LONRF1: variants seen among roughly 807,000 people sequenced by gnomAD.
LONRF1 encodes the protein LON peptidase N-terminal domain and ring finger 1.
A neutral mutation model predicts 85.8 loss-of-function variants in LONRF1; 37 were observed. That is an observed-to-expected ratio of 0.43 (90% confidence interval 0.33 to 0.57). LONRF1 has a LOEUF of 0.57. LONRF1 is among the 20% of genes least tolerant of loss of function. LONRF1 has a pLI of 0.04. For missense variants in LONRF1, 1,036 were observed against 978.0 expected (o/e 1.06, Z -0.79); for synonymous variants, 517 against 390.1 (o/e 1.33, Z -3.83).
intron 1 of LONRF1, 130 bp downstream of exon 1, chr8:12,754,570 A>C: frequency 3.8e-6 from 4 of 1,060,076 alleles, no homozygotes; most frequent in East Asian, 3.7e-5. Context: ...CCGAGACCCG[A>C]CACGCCAGCG....
rs1363802858 is a variant in LONRF1 at position 12,737,125 on chromosome 8, C to G, written c.1129G>C (p.Glu377Gln). ...CCTTTGACAGGCTCTGAAGTGACCT[C>G]TGGTATTTCTTCACTCTACAAAAAT... ...PSPKQSEEIP[E>Q]VTSEPVKGSL... Residue 377 changes from glutamate (E) to glutamine (Q), a missense_variant, in exon 5 of 12, where the codon GAG (glutamate) becomes CAG (glutamine). Glu to Gln is a conservative substitution (Grantham distance 29, BLOSUM62 2). Coordinates refer to ENST00000398246, the MANE Select transcript of LONRF1 (RefSeq NM_152271.5). 1 of 1,611,820 alleles carries G rather than the reference C, an allele frequency of 6.2e-7. No homozygotes were observed. The highest frequency in any genetic ancestry group is 2.2e-5 in the East Asian group (1 of 44,848).
At chr8:12,741,689 A>G (rs1798939848) in intron 2 of LONRF1, among the ~76,000 whole-genome samples, 1 of 152,248 alleles carries the variant, frequency 6.6e-6, no homozygotes, top group South Asian at 2.1e-4. Flanking sequence ...AAAATGTGAA[A>G]AAAATTTTGT....
chr8:12,754,617 G>T (rs1169849798), intron 1 of LONRF1, 83 bp downstream of exon 1: 82 of 1,239,108 alleles, frequency 6.6e-5, no homozygotes, highest in Non-Finnish European at 8.2e-5. Flanking sequence ...AGACTCTCGG[G>T]GCGCAGACAA....
At chr8:12,738,503 T>TG (rs1482385957) in intron 3 of LONRF1, 1 of 156,416 alleles carries the variant, frequency 6.4e-6, no homozygotes, top group Admixed American at 6.5e-5. Context: ...AAATAGTTCA[T>TG]GGTTCACCTC....
Position 12,722,152 on chromosome 8 carries a change from A to G in LONRF1, c.*944T>C, listed in dbSNP as rs1585212996. Reference sequence around the variant, plus strand: ...GAATTAAAAACAAAAACAAACTTTAAAAGCTTAGTTCTATATTAAACTTCT... The same window carrying G: ...GAATTAAAAACAAAAACAAACTTTAGAAGCTTAGTTCTATATTAAACTTCT... On this transcript the variant is annotated 3_prime_UTR_variant, in exon 12 of 12. Transcript: ENST00000398246. The G allele has an allele frequency of 6.6e-6, 1 of 152,600 alleles. No homozygotes were observed. The highest frequency in any genetic ancestry group is 2.4e-5 in the African/African-American group (1 of 41,438). 9.5% of individuals were successfully genotyped at this position (152,600 alleles called of 1,614,324 possible). A position where few individuals can be genotyped will look rare whatever the true frequency, so the allele number is the denominator to read the frequency against.
rs1359944146 is a variant in LONRF1 at position 12,729,105 on chromosome 8, C to T, written c.1848-42G>A. ...ATTAGTAACAAAGTTGAAACATAAACATGCAAGTTCTCATCCATATTGAGA... is the reference window on the plus strand; with the variant it reads ...ATTAGTAACAAAGTTGAAACATAAATATGCAAGTTCTCATCCATATTGAGA... On this transcript the variant is annotated intron_variant, in intron 9 of 11. Transcript: ENST00000398246. The T allele has an allele frequency of 1.9e-6, 3 of 1,611,824 alleles. No homozygotes were observed. The African/African-American group carries it at 4.0e-5, about 22-fold the overall frequency.
Position 12,740,994 on chromosome 8 carries a change from G to C in LONRF1, c.843C>G (p.Val281=). 1.2e-6 allele frequency: 2 copies of C among 1,612,480 alleles called. No individual in the cohort carries two copies. The highest frequency in any genetic ancestry group is 1.3e-5 in the African/African-American group (1 of 74,892). Residue 281 remains valine (V), a splice_region_variant and synonymous_variant, in exon 3 of 12, where the codon GTC becomes GTG. Transcript: ENST00000398246. ...AGAGTACTTTTCCTTTCCTGAAGTA[G>C]ACCTTTAATAAAAGCAGATATATAA... ...VLFQLPDWPE[V]YFRKGKVLCD...
At chr8:12,741,664 A>C (rs141483992) in intron 2 of LONRF1, among the ~76,000 whole-genome samples, 1 of 152,358 alleles carries the variant, frequency 6.6e-6, no homozygotes, top group African/African-American at 2.4e-5. Context: ...AATCCATCAA[A>C]ATTAAAGAAA....
chr8:12,736,595 T>G (rs1798722877), intron 6 of LONRF1, 106 bp downstream of exon 6: 2 of 754,890 alleles, frequency 2.6e-6, no homozygotes, highest in Admixed American at 6.2e-5. Flanking sequence ...TGATTTTTAT[T>G]CCAGCATTGT....
chr8:12,743,675 T>C (rs1799029996), intron 1 of LONRF1, among the ~76,000 whole-genome samples: 1 of 152,178 alleles, frequency 6.6e-6, no homozygotes, highest in Non-Finnish European at 1.5e-5. Context: ...ACTTTCTAAA[T>C]CTTCATTTAT....
In LONRF1 at chr8:12,736,958, A is replaced by C. The variant is rs779297328; in HGVS notation, c.1296T>G (p.Leu432=). The change falls in exon 5 of 12, where the codon CTT becomes CTG. Residue 432 remains leucine, a synonymous_variant. Transcript: ENST00000398246. ...KGVLLKRKLS[L]LEQDVIVNED... ...CATTTACAATCACATCCTGTTCTAA[A>C]AGAGACAACTTTCTTTTCAGCAGAA... The C allele has an allele frequency of 5.6e-6, 9 of 1,613,458 alleles. 1 individual carries two copies. The South Asian group carries it at 8.8e-5, about 16-fold the overall frequency.
rs147037166 is a variant in LONRF1 at position 12,725,634 on chromosome 8, G to C, written c.2163+93C>G. The C allele has an allele frequency of 8.2e-5, 106 of 1,293,644 alleles. 1 individual carries two copies. The highest frequency in any genetic ancestry group is 2.2e-4 in the African/African-American group (15 of 67,458). The allele number at this position is 1,293,644 out of a possible 1,614,324, so 80.1% of individuals were successfully genotyped here. A position where few individuals can be genotyped will look rare whatever the true frequency, so the allele number is the denominator to read the frequency against. ...GGAGGGGACAGTCAAAGAAAAAGTAGTGCAGAAAGGACAATGAGAAAACAA... is the reference window on the plus strand; with the variant it reads ...GGAGGGGACAGTCAAAGAAAAAGTACTGCAGAAAGGACAATGAGAAAACAA... On this transcript the variant is annotated intron_variant, in intron 11 of 11. Transcript: ENST00000398246.
chr8:12,752,299 G>A (rs1014228480), intron 1 of LONRF1, among the ~76,000 whole-genome samples: 2 of 152,152 alleles, frequency 1.3e-5, no homozygotes, highest in African/African-American at 4.8e-5. Context: ...GCTTATGACT[G>A]TACTAGTTAA....
At chr8:12,732,320 T>C (rs1798557322) in intron 7 of LONRF1, among the ~76,000 whole-genome samples, 1 of 152,196 alleles carries the variant, frequency 6.6e-6, no homozygotes, top group Admixed American at 6.5e-5. Context: ...TCTAGATAAA[T>C]TTTCTTTCAG....
intron 11 of LONRF1, 150 bp downstream of exon 11, chr8:12,725,577 T>G (rs576583761): frequency 2.9e-6 from 2 of 694,424 alleles, no homozygotes; most frequent in East Asian, 2.7e-5. Flanking sequence ...AGAGAACTCA[T>G]GATTGCAAAG....
In LONRF1 at chr8:12,754,726, GC is replaced by G; in HGVS notation, c.694del (p.Ala232ProfsTer14). 7.1e-7 allele frequency: 1 copy of G among 1,413,214 alleles called. No homozygotes were observed. Among genetic ancestry groups the G allele is most frequent in the Non-Finnish European group, 9.2e-7 (1 of 1,092,812 alleles). The allele number at this position is 1,413,214 out of a possible 1,614,324, so 87.5% of individuals were successfully genotyped here. A position where few individuals can be genotyped will look rare whatever the true frequency, so the allele number is the denominator to read the frequency against. ...LHQGRYREALAAACEALRAEP... is the reference protein window; with the variant it reads ...LHQGRYREALXAACEALRAEP... ...TGCTCGCAGCGCCTCGCAGGCGGCGGCCAGGGCCTCCCGGTAGCGCCCCTGG... is the reference window on the plus strand; with the variant it reads ...TGCTCGCAGCGCCTCGCAGGCGGCGGCAGGGCCTCCCGGTAGCGCCCCTGG... On this transcript the variant is annotated frameshift_variant, in exon 1 of 12. Transcript: ENST00000398246. LOFTEE classifies it high-confidence loss of function.
Position 12,740,731 on chromosome 8 carries a change from A to C in LONRF1, c.963+143T>G, listed in dbSNP as rs977570468. 33 of 1,060,802 alleles carry C rather than the reference A, an allele frequency of 3.1e-5. 1 individual carries two copies. Among genetic ancestry groups the C allele is most frequent in the Non-Finnish European group, 4.3e-5 (32 of 748,426 alleles). The allele number at this position is 1,060,802 out of a possible 1,614,324, so 65.7% of individuals were successfully genotyped here. On this transcript the variant is annotated intron_variant, in intron 3 of 11. Transcript: ENST00000398246. ...CAATATAATACGTACATGAACCTGA[A>C]AACCACTCAAATTATCACATTTGTT...
intron 7 of LONRF1, 44 bp from the exon 8 acceptor site, chr8:12,731,901 C>T: frequency 6.4e-7 from 1 of 1,569,624 alleles, no homozygotes; most frequent in Non-Finnish European, 8.7e-7. Context: ...GGTTTTCCTA[C>T]AGTATAAAAC....
intron 11 of LONRF1, among the ~76,000 whole-genome samples, chr8:12,725,044 T>C (rs1416967018): frequency 1.3e-5 from 2 of 152,248 alleles, no homozygotes; most frequent in African/African-American, 4.8e-5. Flanking sequence ...TTCAAAATGC[T>C]ACGATGCCTA....
Sources: allele counts gnomAD v4.1 joint callset (sites outside exome capture counted in the v4.1 genomes callset), GRCh38; gene constraint gnomAD v4.1.1; transcripts MANE v1.5; gene names NCBI Gene and HGNC (gene_info 2026-07-23, HGNC 2026-07-21).